The following SNX16 variants were observed in gnomAD, a reference collection of about 807,000 sequenced individuals.
The protein encoded by SNX16 is sorting nexin-16.
SNX16 carries 35 observed loss-of-function variants against 36.7 expected under a neutral mutation model. The ratio of observed to expected loss-of-function variants is 0.95; its 90% CI spans 0.73 to 1.27. The LOEUF is 1.27. Among genes scored for constraint, SNX16 ranks in the 50% most tolerant of loss-of-function variants. The probability of loss-of-function intolerance (pLI) is 0.00; values close to 1 mark genes in which losing one functional copy is unlikely to be tolerated. For synonymous variants in SNX16, 134 were observed against 132.0 expected, an observed-to-expected ratio of 1.02 and a Z score of -0.10; for missense variants, 367 against 393.6, an observed-to-expected ratio of 0.93 and a Z score of 0.57.
intron 2 of SNX16, among the ~76,000 whole-genome samples, chr8:81,834,359 C>A (rs1414859184): frequency 1.3e-5 from 2 of 152,158 alleles, no homozygotes; most frequent in African/African-American, 4.8e-5. Flanking sequence ...CACATTCAAA[C>A]CATATCATTC....
Position 81,801,438 on chromosome 8 carries a change from T to A in SNX16, c.*59A>T, listed in dbSNP as rs986694478. ...GTTCTTGGTTCTTCTTTTAAAATAG[T>A]ATTTGCCACTCTTCTAAATTTTTGA... On this transcript the variant is annotated 3_prime_UTR_variant, in exon 8 of 8. Transcript: ENST00000345957. The A allele has an allele frequency of 1.1e-6, 1 of 925,520 alleles. No individual in the cohort carries two copies. The highest frequency in any genetic ancestry group is 1.6e-6 in the Non-Finnish European group (1 of 611,274). 57.3% of individuals were successfully genotyped at this position (925,520 alleles called of 1,614,324 possible).
chr8:81,841,871 C>T (rs994884645), intron 1 of SNX16: 2 of 152,196 alleles, frequency 1.3e-5, no homozygotes, highest in African/African-American at 4.8e-5. Context: ...GTCTTCCGCA[C>T]TGCAGGCGGC....
chr8:81,832,113 A>G (rs556044666), intron 2 of SNX16, among the ~76,000 whole-genome samples: 2 of 152,374 alleles, frequency 1.3e-5, no homozygotes, highest in Admixed American at 1.3e-4. Context: ...ATATACACTT[A>G]CATGTTCATT....
intron 5 of SNX16, among the ~76,000 whole-genome samples, chr8:81,811,219 G>T (rs754300341): frequency 1.9e-4 from 29 of 152,134 alleles, no homozygotes; most frequent in Non-Finnish European, 3.1e-4. Context: ...CCGAAAGGCT[G>T]AATGAAACCC....
chr8:81,829,618 C>A, intron 2 of SNX16, 102 bp from the exon 3 acceptor site: 1 of 417,392 alleles, frequency 2.4e-6, no homozygotes, highest in South Asian at 6.8e-5. Flanking sequence ...ATAACCCAGA[C>A]TATAACAATT....
At chr8:81,808,185 T>C (rs1182041889) in intron 5 of SNX16, 9 of 1,332,974 alleles carry the variant, frequency 6.8e-6, no homozygotes, top group Admixed American at 1.7e-5. Flanking sequence ...AAATCATGAC[T>C]GACCAAGGCA....
intron 2 of SNX16, among the ~76,000 whole-genome samples, chr8:81,837,127 T>G (rs1006215548): frequency 1.3e-5 from 2 of 152,248 alleles, no homozygotes; most frequent in Non-Finnish European, 2.9e-5. Flanking sequence ...TCCTTCTCTG[T>G]TTTATTTCTC....
chr8:81,810,286 T>G (rs1365208374), intron 5 of SNX16, among the ~76,000 whole-genome samples: 1 of 152,106 alleles, frequency 6.6e-6, no homozygotes. Context: ...TTAGTACAAG[T>G]ATATGAGGGG....
intron 4 of SNX16, among the ~76,000 whole-genome samples, chr8:81,821,828 AG>A (rs1303047509): frequency 6.6e-6 from 1 of 152,154 alleles, no homozygotes; most frequent in African/African-American, 2.4e-5. Flanking sequence ...TGAATAAAAT[AG>A]CCACATGACC....
chr8:81,819,742 A>G (rs1471745890), intron 4 of SNX16, among the ~76,000 whole-genome samples: 1 of 152,076 alleles, frequency 6.6e-6, no homozygotes, highest in Non-Finnish European at 1.5e-5. Flanking sequence ...TATTATGTAA[A>G]TATTAATGTT....
At chr8:81,808,018 G>C in intron 5 of SNX16, 5 of 850,878 alleles carry the variant, frequency 5.9e-6, no homozygotes, top group Non-Finnish European at 1.0e-5. Context: ...GGATGGAAGA[G>C]TTGTGGAACC....
chr8:81,820,280 C>A (rs6473312), intron 4 of SNX16, among the ~76,000 whole-genome samples: 117,803 of 151,840 alleles, frequency 0.78, 46,514 homozygotes, highest in African/African-American at 0.9. Context: ...ATCTTCTTTC[C>A]CTCTTCTCCT....
chr8:81,828,639 T>C (rs1811113101), intron 3 of SNX16, among the ~76,000 whole-genome samples: 1 of 152,212 alleles, frequency 6.6e-6, no homozygotes, highest in Admixed American at 6.5e-5. Flanking sequence ...TTTGCAGCTG[T>C]AATTAAGGTT....
intron 5 of SNX16, among the ~76,000 whole-genome samples, chr8:81,810,227 T>C (rs930953244): frequency 6.6e-6 from 1 of 152,230 alleles, no homozygotes; most frequent in Admixed American, 6.5e-5. Flanking sequence ...ATTTGAATTT[T>C]CCCAAAAAAA....
chr8:81,818,081 A>G (rs1185539901), intron 4 of SNX16, among the ~76,000 whole-genome samples: 1 of 152,094 alleles, frequency 6.6e-6, no homozygotes, highest in Non-Finnish European at 1.5e-5. Context: ...AATTTTGTTT[A>G]AAGAGTTTTA....
At chr8:81,826,338 A>G (rs1332708248) in intron 3 of SNX16, among the ~76,000 whole-genome samples, 1 of 152,092 alleles carries the variant, frequency 6.6e-6, no homozygotes, top group Non-Finnish European at 1.5e-5. Flanking sequence ...TGAACCTGGA[A>G]TGTCTTGACA....
At chr8:81,822,926 GTATATATATATATACATATACATA>G in intron 4 of SNX16, among the ~76,000 whole-genome samples, 1 of 130,198 alleles carries the variant, frequency 7.7e-6, no homozygotes, top group East Asian at 2.2e-4. Flanking sequence ...AGCAAGATGT[GTATATATATATATACATATACATA>G]TATATATATA....
chr8:81,803,149 A>T lies in SNX16; in HGVS notation c.761T>A (p.Leu254Gln). The T allele has an allele frequency of 6.2e-7, 1 of 1,612,318 alleles. No individual in the cohort carries two copies. Among genetic ancestry groups the T allele is most frequent in the South Asian group, 1.1e-5 (1 of 90,914 alleles). The change falls in exon 6 of 8, where the codon CTA (leucine) becomes CAA (glutamine). Residue 254 changes from leucine (L) to glutamine (Q), a missense_variant. By Grantham distance (113) the Leu-to-Gln change is moderately radical (BLOSUM62 -2). Transcript: ENST00000345957. ...TTGCTTCTCACTGAGCAGTTTCTTTAGTGATTCCATCTCCTTTTGTTTTTC... is the reference window on the plus strand; with the variant it reads ...TTGCTTCTCACTGAGCAGTTTCTTTTGTGATTCCATCTCCTTTTGTTTTTC... ...LLEKQKEMES[L>Q]KKLLSEKQLH...
chr8:81,826,972 TTTTA>T, intron 3 of SNX16, among the ~76,000 whole-genome samples: 1 of 152,292 alleles, frequency 6.6e-6, no homozygotes, highest in East Asian at 1.9e-4. Flanking sequence ...AATCCTAAGC[TTTTA>T]TTTTTTACAA....
Sources: allele counts gnomAD v4.1 joint callset (sites outside exome capture counted in the v4.1 genomes callset), GRCh38; gene constraint gnomAD v4.1.1; transcripts MANE v1.5; gene names NCBI Gene and HGNC (gene_info 2026-07-23, HGNC 2026-07-21).